The following GALNT10 variants were observed in gnomAD, a reference collection of about 807,000 sequenced individuals.
The protein encoded by GALNT10 is GalNAc transferase 10.
Under a neutral mutation model 75.0 loss-of-function variants are expected in GALNT10, and 41 were observed. The observed-to-expected ratio is 0.55, with a 90% CI of 0.43 to 0.71. GALNT10 has a LOEUF of 0.71. Among genes scored for constraint, GALNT10 ranks in the 30% least tolerant of loss-of-function variants. The pLI is 0.00. For missense variants in GALNT10, 727 were observed against 818.5 expected (o/e 0.89, Z 1.36); for synonymous variants, 302 against 313.0 (o/e 0.96, Z 0.37).
Position 154,214,844 on chromosome 5 carries a change from C to T in GALNT10, c.159+23819C>T, listed in dbSNP as rs7726194. 3.2e-3 allele frequency among the ~76,000 whole-genome samples: 492 copies of T among 152,288 alleles called. 5 individuals carry two copies. Among genetic ancestry groups the T allele is most frequent in the African/African-American group, 0.011 (450 of 41,554 alleles). On this transcript the variant is annotated intron_variant, in intron 1 of 11. Coordinates refer to ENST00000297107, the MANE Select transcript of GALNT10 (RefSeq NM_198321.4). ...TCAGAGGGAAACCTAGAGCTGTCAG[C>T]AATTACTGCTTTCCAACTGCCTAAC...
intron 4 of GALNT10, chr5:154,329,991 A>C: frequency 3.0e-6 from 1 of 336,076 alleles, no homozygotes; most frequent in Non-Finnish European, 5.5e-6. Flanking sequence ...AAAACTTGAT[A>C]AACAATAACT....
At chr5:154,197,745 A>G (rs1017486176) in intron 1 of GALNT10, among the ~76,000 whole-genome samples, 1 of 152,200 alleles carries the variant, frequency 6.6e-6, no homozygotes, top group African/African-American at 2.4e-5. Context: ...AGCAGTTACC[A>G]TTTATTTAGC....
At chr5:154,307,679 G>A (rs34331503) in intron 3 of GALNT10, among the ~76,000 whole-genome samples, 60,839 of 150,048 alleles carry the variant, frequency 0.41, 12,813 homozygotes, top group Middle Eastern at 0.44. Flanking sequence ...TAAAGAGGAC[G>A]GGGTACTTTC....
At chr5:154,263,255 A>G (rs546525387) in intron 1 of GALNT10, among the ~76,000 whole-genome samples, 2 of 152,348 alleles carry the variant, frequency 1.3e-5, no homozygotes, top group African/African-American at 4.8e-5. Flanking sequence ...TGAAATGTCT[A>G]CTTATGAGTG....
At chr5:154,271,169 G>A (rs1753859026) in intron 1 of GALNT10, among the ~76,000 whole-genome samples, 2 of 149,104 alleles carry the variant, frequency 1.3e-5, no homozygotes, top group Admixed American at 6.7e-5. Flanking sequence ...TAGATCTGGT[G>A]GTGCTTGCTG....
chr5:154,286,819 C>T lies in GALNT10; in HGVS notation c.160-7997C>T, dbSNP rs534887941. 7.9e-5 allele frequency among the ~76,000 whole-genome samples: 12 copies of T among 152,314 alleles called. No individual in the cohort carries two copies. In the East Asian group the frequency reaches 2.3e-3, roughly 29 times the overall value. On this transcript the variant is annotated intron_variant, in intron 1 of 11. Coordinates refer to ENST00000297107, the MANE Select transcript of GALNT10 (RefSeq NM_198321.4). ...CCCATTGCTGATTGGAACAGCAGGA[C>T]TTGCCTGACGTGGGCCCAGCAGACA... is the stretch of plus-strand genomic sequence containing the variant.
At chr5:154,328,054 C>A (rs1049216978) in intron 3 of GALNT10, among the ~76,000 whole-genome samples, 1 of 147,236 alleles carries the variant, frequency 6.8e-6, no homozygotes, top group African/African-American at 2.5e-5. Context: ...GATAAATAGC[C>A]CAGTTTCTTC....
At chr5:154,278,257 C>T (rs1753980435) in intron 1 of GALNT10, among the ~76,000 whole-genome samples, 1 of 152,216 alleles carries the variant, frequency 6.6e-6, no homozygotes, top group African/African-American at 2.4e-5. Context: ...TATTCTCCCT[C>T]ATCAACCCAA....
chr5:154,256,069 T>A (rs968060061), intron 1 of GALNT10, among the ~76,000 whole-genome samples: 1 of 152,084 alleles, frequency 6.6e-6, no homozygotes, highest in African/African-American at 2.4e-5. Context: ...CTCCCTGAGC[T>A]CCCAGATCTT....
intron 7 of GALNT10, among the ~76,000 whole-genome samples, chr5:154,398,920 G>A (rs944314315): frequency 6.6e-5 from 10 of 152,178 alleles, no homozygotes; most frequent in Non-Finnish European, 1.5e-5. Flanking sequence ...GAGGGCAGGC[G>A]CTCTGTAATT....
At chr5:154,273,460 C>A (rs1230957537) in intron 1 of GALNT10, among the ~76,000 whole-genome samples, 3 of 152,160 alleles carry the variant, frequency 2.0e-5, no homozygotes, top group African/African-American at 7.2e-5. Flanking sequence ...AGTTTGCAAT[C>A]TGTGGAAACA....
At chr5:154,355,716 T>C (rs951043312) in intron 4 of GALNT10, among the ~76,000 whole-genome samples, 3 of 149,760 alleles carry the variant, frequency 2.0e-5, no homozygotes, top group Non-Finnish European at 4.4e-5. Context: ...CATTTTGCAG[T>C]TGAGATATCT....
At chr5:154,264,981 C>G (rs754883161) in intron 1 of GALNT10, among the ~76,000 whole-genome samples, 3 of 152,156 alleles carry the variant, frequency 2.0e-5, no homozygotes, top group Non-Finnish European at 2.9e-5. Context: ...GAGCTCCCTT[C>G]CTGACCTCAT....
At chr5:154,223,674 C>G (rs1753019830) in intron 1 of GALNT10, among the ~76,000 whole-genome samples, 1 of 151,758 alleles carries the variant, frequency 6.6e-6, no homozygotes, top group Admixed American at 6.6e-5. Context: ...AATCCCAGCA[C>G]TGTGGGAGGC....
intron 4 of GALNT10, among the ~76,000 whole-genome samples, chr5:154,359,033 G>C (rs1755342071): frequency 6.6e-6 from 1 of 152,154 alleles, no homozygotes. Flanking sequence ...GGTGTTGAAG[G>C]TTACCAAGAA....
At chr5:154,227,676 A>G (rs1038131336) in intron 1 of GALNT10, among the ~76,000 whole-genome samples, 8 of 151,356 alleles carry the variant, frequency 5.3e-5, no homozygotes, top group Admixed American at 1.3e-4. Flanking sequence ...TGATTGATCA[A>G]TTTGTTCTTT....
intron 3 of GALNT10, among the ~76,000 whole-genome samples, chr5:154,301,215 G>A (rs965021108): frequency 2.0e-5 from 3 of 152,054 alleles, no homozygotes; most frequent in East Asian, 1.9e-4. Flanking sequence ...CTGAAATTTC[G>A]TGTTCCCTTC....
intron 4 of GALNT10, among the ~76,000 whole-genome samples, chr5:154,333,753 C>G (rs961212135): frequency 2.6e-5 from 4 of 152,078 alleles, no homozygotes; most frequent in African/African-American, 9.7e-5. Context: ...AACCGAGGCC[C>G]CCTGATCACT....
intron 8 of GALNT10, among the ~76,000 whole-genome samples, chr5:154,408,585 C>T (rs1756330695): frequency 6.6e-6 from 1 of 151,962 alleles, no homozygotes; most frequent in South Asian, 2.1e-4. Flanking sequence ...GTCCCCAAGT[C>T]TACTCACAAA....
Sources: gnomAD v4.1 joint callset for allele counts (sites outside exome capture counted in the v4.1 genomes callset) on GRCh38, gnomAD v4.1.1 for gene constraint, MANE v1.5 for transcripts, NCBI Gene and HGNC (gene_info 2026-07-23, HGNC 2026-07-21) for gene names.